The following CFAP69 variants were observed in gnomAD, a reference collection of about 807,000 sequenced individuals.
The protein encoded by CFAP69 is cilia and flagella associated protein 69, also known as cilia- and flagella-associated protein 69.
Under a neutral mutation model 123.0 loss-of-function variants are expected in CFAP69, and 92 were observed. The observed-to-expected ratio is 0.75, with a 90% CI of 0.63 to 0.89. CFAP69 has a LOEUF of 0.89. Among genes scored for constraint, CFAP69 ranks in the 40% least tolerant of loss-of-function variants. CFAP69 has a pLI of 0.00. For synonymous variants in CFAP69, 380 were observed against 364.3 expected (o/e 1.04, Z -0.49); for missense variants, 1,067 against 1,096.9 (o/e 0.97, Z 0.39).
chr7:90,319,790 T>TA, the CFAP69 span: 1 of 398,376 alleles, frequency 2.5e-6, no homozygotes. Context: ...ATATTTAACT[T>TA]AAAAAAGTTA....
At chr7:90,265,057 G>A (rs916279598) in intron 4 of CFAP69, among the ~76,000 whole-genome samples, 24 of 152,242 alleles carry the variant, frequency 1.6e-4, no homozygotes, top group South Asian at 8.3e-4. Context: ...CTCCCAAGGC[G>A]CTGGGATTAC....
At chr7:90,282,518 T>A (rs1174728727) in intron 12 of CFAP69, among the ~76,000 whole-genome samples, 1 of 152,178 alleles carries the variant, frequency 6.6e-6, no homozygotes, top group Non-Finnish European at 1.5e-5. Flanking sequence ...ATGTTTATTG[T>A]AACAGTTTAT....
At position 90,271,873 on chromosome 7, in the gene CFAP69, C is replaced by T. The variant is rs773322992; in HGVS notation, c.775C>T (p.Arg259Cys). The T allele has an allele frequency of 1.9e-5, 30 of 1,610,548 alleles. No individual in the cohort carries two copies. Among genetic ancestry groups the T allele is most frequent in the South Asian group, 4.4e-5 (4 of 90,580 alleles). The change falls in exon 8 of 23, where the codon CGT becomes TGT. Residue 259 changes from arginine to cysteine, a missense_variant. Coordinates refer to ENST00000389297, the MANE Select transcript of CFAP69 (RefSeq NM_001039706.3). ...AGATCCCTCTGGACAGCTTTTATTT[C>T]GTTCATCAGAAATACTTTGGAACTT... Reference protein sequence around the residue: ...DPDPSGQLLFRSSEILWNLLE... With the variant: ...DPDPSGQLLFCSSEILWNLLE...
chr7:90,271,992 T>G (rs376579146), intron 8 of CFAP69, 34 bp downstream of exon 8: 2 of 1,558,230 alleles, frequency 1.3e-6, no homozygotes, highest in Admixed American at 1.9e-5. Context: ...AATGTTCTTT[T>G]AATCTTAAAA....
chr7:90,259,355 T>G (rs1326926157), intron 3 of CFAP69, among the ~76,000 whole-genome samples: 2 of 152,198 alleles, frequency 1.3e-5, no homozygotes, highest in Non-Finnish European at 2.9e-5. Context: ...GTTACAGTGA[T>G]CAAAGATTTT....
intron 14 of CFAP69, 154 bp downstream of exon 14, chr7:90,286,553 T>C: frequency 1.5e-6 from 1 of 657,438 alleles, no homozygotes; most frequent in Non-Finnish European, 2.5e-6. Context: ...AGGTACAGAA[T>C]ATACAACAGT....
intron 15 of CFAP69, among the ~76,000 whole-genome samples, chr7:90,290,435 C>T (rs1467444545): frequency 2.6e-5 from 4 of 152,194 alleles, no homozygotes; most frequent in Non-Finnish European, 4.4e-5. Flanking sequence ...TCTTACTCAG[C>T]CTTTGCATTC....
In CFAP69 at chr7:90,271,919, A is replaced by G. The variant is rs1562869648; in HGVS notation, c.821A>G (p.Glu274Gly). 7.4e-6 allele frequency: 12 copies of G among 1,613,272 alleles called. No homozygotes were observed. Among genetic ancestry groups the G allele is most frequent in the Non-Finnish European group, 1.0e-5 (12 of 1,179,520 alleles). ...AACTTGCTGGAAAAATCTTCAAAAGAAGAAGTCATACAACAGCTTAGTAAC... is the reference window on the plus strand; with the variant it reads ...AACTTGCTGGAAAAATCTTCAAAAGGAGAAGTCATACAACAGCTTAGTAAC... ...LWNLLEKSSK[E>G]EVIQQLSNLE... is the part of the protein sequence containing the mutation. The change falls in exon 8 of 23, where the codon GAA (glutamate) becomes GGA (glycine). Residue 274 changes from glutamate to glycine, a missense_variant. Physicochemically the swap from Glu to Gly is moderately conservative, Grantham distance 98. Coordinates refer to ENST00000389297, the MANE Select transcript of CFAP69 (RefSeq NM_001039706.3).
chr7:90,283,821 A>G (rs1789846880), intron 13 of CFAP69, among the ~76,000 whole-genome samples: 1 of 152,112 alleles, frequency 6.6e-6, no homozygotes, highest in Non-Finnish European at 1.5e-5. Context: ...CTACTCAAAA[A>G]ATCTTCTACT....
At chr7:90,318,564 TAA>T in the CFAP69 span, 13 of 152,244 alleles carry the variant, frequency 8.5e-5, no homozygotes, top group African/African-American at 3.1e-4. Context: ...TATTAATATA[TAA>T]GATACCTTAT....
chr7:90,296,010 CT>C (rs1791900543), intron 15 of CFAP69, among the ~76,000 whole-genome samples: 1 of 152,142 alleles, frequency 6.6e-6, no homozygotes, highest in Non-Finnish European at 1.5e-5. Flanking sequence ...TCCGCAAAGC[CT>C]TAATAACCTG....
intron 8 of CFAP69, 23 bp downstream of exon 8, chr7:90,271,981 G>A: frequency 6.3e-6 from 10 of 1,576,640 alleles, no homozygotes; most frequent in Non-Finnish European, 8.6e-6. Context: ...GGTTAGATAG[G>A]AATGTTCTTT....
chr7:90,296,670 G>A (rs1020093222), intron 15 of CFAP69, among the ~76,000 whole-genome samples: 42 of 152,270 alleles, frequency 2.8e-4, no homozygotes, highest in Admixed American at 2.0e-3. Context: ...GCCCGAGGTG[G>A]TTGGGCTACA....
At chr7:90,292,864 T>C (rs1249585002) in intron 15 of CFAP69, among the ~76,000 whole-genome samples, 1 of 152,200 alleles carries the variant, frequency 6.6e-6, no homozygotes, top group Non-Finnish European at 1.5e-5. Flanking sequence ...TATTCAGAGA[T>C]CACAATCTCC....
At position 90,264,100 on chromosome 7, in the gene CFAP69, AAAAAATATATATATATATATATATAT is replaced by A. The variant is rs1440916899; in HGVS notation, c.357-1199_357-1174del. Among the ~76,000 whole-genome samples the A allele has an allele frequency of 2.8e-3, 94 of 33,036 alleles. 7 individuals are homozygous for A. Among genetic ancestry groups the A allele is most frequent in the African/African-American group, 8.5e-3 (88 of 10,358 alleles). 21.7% of individuals were successfully genotyped at this position (33,036 alleles called of 152,430 possible). ...AGCAAGACTCCATCTCGAAAAAAAAAAAAAATATATATATATATATATATATATATATATATATATATATATATATG... is the reference window on the plus strand; with the variant it reads ...AGCAAGACTCCATCTCGAAAAAAAAAATATATATATATATATATATATATG... On this transcript the variant is annotated intron_variant, in intron 4 of 22. Coordinates refer to ENST00000389297, the MANE Select transcript of CFAP69 (RefSeq NM_001039706.3).
At chr7:90,260,545 AAAAG>A (rs1192149491) in intron 3 of CFAP69, among the ~76,000 whole-genome samples, 1 of 152,114 alleles carries the variant, frequency 6.6e-6, no homozygotes, top group Non-Finnish European at 1.5e-5. Flanking sequence ...AAAAAAGAAA[AAAAG>A]AAAAGTTATC....
intron 15 of CFAP69, among the ~76,000 whole-genome samples, chr7:90,292,217 T>C (rs1311497671): frequency 6.6e-6 from 1 of 152,184 alleles, no homozygotes; most frequent in East Asian, 1.9e-4. Context: ...AGATAAGACT[T>C]TTTTAAAGCC....
rs150221474 is a variant in CFAP69 at position 90,277,232 on chromosome 7, G to C, written c.1053G>C (p.Leu351Phe). The C allele has an allele frequency of 8.2e-6, 13 of 1,587,662 alleles. No homozygotes were observed. The South Asian group carries it at 1.5e-4, about 19-fold the overall frequency. ...TCACAGTTAAAAGTCAAAATCTTTT[G>C]GTAAAAGGACTTAAGCTTTCTAATT... is the stretch of plus-strand genomic sequence containing the variant. ...TFNEVKSQNL[L>F]VKGLKLSNSY... The change falls in exon 11 of 23, where the codon TTG becomes TTC. Residue 351 changes from leucine (L) to phenylalanine (F), a missense_variant. By Grantham distance (22) the Leu-to-Phe change is conservative. Coordinates refer to ENST00000389297, the MANE Select transcript of CFAP69 (RefSeq NM_001039706.3).
intron 3 of CFAP69, among the ~76,000 whole-genome samples, chr7:90,261,233 G>A (rs10952996): frequency 0.11 from 17,104 of 151,986 alleles, 2,554 homozygotes; most frequent in East Asian, 0.61. Flanking sequence ...GCACCACCAC[G>A]CCCAGCGAAT....
Sources: allele counts gnomAD v4.1 joint callset (sites outside exome capture counted in the v4.1 genomes callset), GRCh38; gene constraint gnomAD v4.1.1; transcripts MANE v1.5; gene names NCBI Gene and HGNC (gene_info 2026-07-23, HGNC 2026-07-21).